Variants in COTL1 observed in about 807,000 individuals in gnomAD.
COTL1 encodes coactosin-like protein.
A neutral mutation model predicts 16.5 loss-of-function variants in COTL1; 15 were observed. That is an observed-to-expected ratio of 0.91 (90% CI 0.61 to 1.40). COTL1 has a LOEUF of 1.40. Ranked by LOEUF, COTL1 falls within the 40% of genes most tolerant of loss-of-function variation. The pLI, the probability that COTL1 is intolerant of heterozygous loss-of-function variation, is 0.00. For synonymous variants in COTL1, 112 were observed against 85.3 expected (o/e 1.31, Z -1.73); for missense variants, 220 against 201.5 (o/e 1.09, Z -0.56).
chr16:84,603,752 T>C (rs1222922995), intron 2 of COTL1, among the ~76,000 whole-genome samples: 1 of 151,970 alleles, frequency 6.6e-6, no homozygotes, highest in East Asian at 1.9e-4. Context: ...TGGCGCATCA[T>C]GCCTGGGGAC....
chr16:84,585,687 G>C (rs1428986380), intron 3 of COTL1, among the ~76,000 whole-genome samples: 1 of 152,174 alleles, frequency 6.6e-6, no homozygotes, highest in East Asian at 1.9e-4. Context: ...AGGCATGCCA[G>C]TCTCTGCATG....
intron 2 of COTL1, among the ~76,000 whole-genome samples, chr16:84,607,679 G>C (rs905507351): frequency 6.6e-6 from 1 of 152,152 alleles, no homozygotes; most frequent in African/African-American, 2.4e-5. Context: ...TCATGTCTGA[G>C]CGTTTGGACC....
intron 3 of COTL1, among the ~76,000 whole-genome samples, chr16:84,588,337 TTCAC>T (rs1904782601): frequency 1.3e-5 from 2 of 152,120 alleles, no homozygotes; most frequent in African/African-American, 4.8e-5. Flanking sequence ...ACATACATAT[TTCAC>T]TACTGTTAAC....
At chr16:84,617,651 G>C (rs1905532313) in intron 1 of COTL1, 68 bp from the exon 2 acceptor site, 1 of 1,488,434 alleles carries the variant, frequency 6.7e-7, no homozygotes, top group African/African-American at 1.4e-5. Flanking sequence ...CGCGGCGCTT[G>C]CAGAGGACAA....
intron 3 of COTL1, among the ~76,000 whole-genome samples, chr16:84,572,090 T>A (rs1032265565): frequency 6.6e-6 from 1 of 152,160 alleles, no homozygotes; most frequent in African/African-American, 2.4e-5. Flanking sequence ...TTCCAGCGGC[T>A]CCCATGAGAT....
At chr16:84,599,542 G>A (rs967220229) in intron 2 of COTL1, among the ~76,000 whole-genome samples, 1 of 152,108 alleles carries the variant, frequency 6.6e-6, no homozygotes, top group Non-Finnish European at 1.5e-5. Flanking sequence ...CACCATGCCA[G>A]GCATGTCATA....
At chr16:84,600,180 A>C (rs987838873) in intron 2 of COTL1, among the ~76,000 whole-genome samples, 5 of 152,158 alleles carry the variant, frequency 3.3e-5, no homozygotes, top group Non-Finnish European at 5.9e-5. Context: ...AACAAAACCA[A>C]ACCAAAAACA....
chr16:84,604,578 G>A (rs1250775632), intron 2 of COTL1, among the ~76,000 whole-genome samples: 5 of 151,978 alleles, frequency 3.3e-5, no homozygotes, highest in Admixed American at 2.0e-4. Flanking sequence ...TTGGGGGGAT[G>A]AGTGACCAAA....
chr16:84,598,409 A>G (rs150629566), intron 2 of COTL1, among the ~76,000 whole-genome samples: 81 of 152,266 alleles, frequency 5.3e-4, no homozygotes, highest in African/African-American at 1.9e-3. Context: ...CATCTCTTCA[A>G]GGTTCTCTGC....
chr16:84,612,328 C>G (rs1320704519), intron 2 of COTL1, among the ~76,000 whole-genome samples: 1 of 152,152 alleles, frequency 6.6e-6, no homozygotes, highest in African/African-American at 2.4e-5. Flanking sequence ...CATGCTCCTT[C>G]ATGCAGACCC....
At chr16:84,584,617 T>C (rs2150685192) in intron 3 of COTL1, among the ~76,000 whole-genome samples, 1 of 152,346 alleles carries the variant, frequency 6.6e-6, no homozygotes, top group East Asian at 1.9e-4. Flanking sequence ...TCACGCCCTG[T>C]GTCCTGGAGC....
At chr16:84,602,311 A>C (rs998196412) in intron 2 of COTL1, among the ~76,000 whole-genome samples, 2 of 151,710 alleles carry the variant, frequency 1.3e-5, no homozygotes, top group Admixed American at 1.3e-4. Context: ...GGATTGCTTG[A>C]GCCCAGGAGG....
At chr16:84,599,349 T>C (rs1250249627) in intron 2 of COTL1, among the ~76,000 whole-genome samples, 1 of 152,218 alleles carries the variant, frequency 6.6e-6, no homozygotes. Flanking sequence ...TTTGCAAATG[T>C]TTTGAACAAC....
In COTL1 at chr16:84,613,009, T is replaced by TCTTTC. The variant is rs199953375; in HGVS notation, c.160+4491_160+4492insGAAAG. On this transcript the variant is annotated intron_variant, in intron 2 of 3. Coordinates refer to ENST00000262428, the MANE Select transcript of COTL1 (RefSeq NM_021149.5). ...CTCTTTCTTTCTTTCTTTCTTTCTT[T>TCTTTC]TTTTTTTTTGAGATAGAGTCTCACT... 2.0e-5 allele frequency among the ~76,000 whole-genome samples: 3 copies of TCTTTC among 150,632 alleles called. No homozygotes were observed. The East Asian group carries it at 5.8e-4, about 29-fold the overall frequency.
Position 84,566,534 on chromosome 16 carries a change from C to G in COTL1, c.*311G>C, listed in dbSNP as rs1453930612. The G allele has an allele frequency of 6.9e-6, 2 of 291,592 alleles. No individual in the cohort carries two copies. The allele number at this position is 291,592 out of a possible 1,614,324, so 18.1% of individuals were successfully genotyped here. On this transcript the variant is annotated 3_prime_UTR_variant, in exon 4 of 4. Coordinates refer to ENST00000262428, the MANE Select transcript of COTL1 (RefSeq NM_021149.5). ...GAAATGCCAGGAAAAGGGGTCACTGCAGGAGGCACCTCGGATCTGATGGCA... is the reference window on the plus strand; with the variant it reads ...GAAATGCCAGGAAAAGGGGTCACTGGAGGAGGCACCTCGGATCTGATGGCA...
chr16:84,598,253 G>A (rs980866517), intron 2 of COTL1, among the ~76,000 whole-genome samples: 1 of 152,138 alleles, frequency 6.6e-6, no homozygotes, highest in Admixed American at 6.5e-5. Context: ...TCTCAAAAGA[G>A]CCGGACCCTT....
At chr16:84,578,071 A>G (rs536759975) in intron 3 of COTL1, among the ~76,000 whole-genome samples, 1 of 152,298 alleles carries the variant, frequency 6.6e-6, no homozygotes, top group Admixed American at 6.5e-5. Flanking sequence ...GAGACATCAC[A>G]AATTAATCAT....
At chr16:84,587,141 C>T (rs917745945) in intron 3 of COTL1, among the ~76,000 whole-genome samples, 1 of 152,152 alleles carries the variant, frequency 6.6e-6, no homozygotes, top group Non-Finnish European at 1.5e-5. Flanking sequence ...CATTAAAACC[C>T]AACTGGCCTG....
At chr16:84,581,320 G>A (rs928808735) in intron 3 of COTL1, among the ~76,000 whole-genome samples, 5 of 152,218 alleles carry the variant, frequency 3.3e-5, no homozygotes, top group African/African-American at 1.2e-4. Flanking sequence ...GTGTAAACAC[G>A]CCACATAGAA....
Sources: allele counts gnomAD v4.1 joint callset (sites outside exome capture counted in the v4.1 genomes callset), GRCh38; gene constraint gnomAD v4.1.1; transcripts MANE v1.5; gene names NCBI Gene and HGNC (gene_info 2026-07-23, HGNC 2026-07-21).